Variants in DMD observed in about 807,000 individuals in gnomAD.
DMD encodes the protein dystrophin.
DMD carries 63 observed loss-of-function variants against 330.1 expected under a neutral mutation model. That is an observed-to-expected ratio of 0.19 (90% CI 0.16 to 0.24). The LOEUF (loss-of-function observed/expected upper bound fraction) is 0.24, where lower values mean the gene tolerates loss of function less well. Among genes scored for constraint, DMD ranks in the 10% least tolerant of loss-of-function variants. The pLI, the probability that DMD is intolerant of heterozygous loss-of-function variation, is 1.00. For missense variants in DMD, 3,344 were observed against 2,684.1 expected, an observed-to-expected ratio of 1.25 and a Z score of -5.43; for synonymous variants, 1,223 against 959.8, an observed-to-expected ratio of 1.27 and a Z score of -5.07.
intron 13 of DMD, among the ~76,000 whole-genome samples, chrX:32,582,774 T>C (rs2053792883): frequency 8.9e-6 from 1 of 112,116 alleles, no homozygotes; most frequent in Admixed American, 9.5e-5. Context: ...TATAGGCTCC[T>C]GACCTCTCTT....
chrX:32,581,411 A>G (rs866092048), intron 13 of DMD, among the ~76,000 whole-genome samples: 4 of 112,143 alleles, frequency 3.6e-5, no homozygotes, highest in Non-Finnish European at 7.5e-5. Context: ...CTTTCTCTAG[A>G]GAGGTTAGAA....
chrX:32,103,942 T>G (rs1051555678), intron 44 of DMD, among the ~76,000 whole-genome samples: 12 of 111,746 alleles, frequency 1.1e-4, no homozygotes, highest in African/African-American at 3.9e-4. Context: ...GGAGCTAAGC[T>G]GACAGGCATA....
intron 60 of DMD, among the ~76,000 whole-genome samples, chrX:31,398,124 AC>A (rs1400724424): frequency 8.9e-6 from 1 of 112,398 alleles, no homozygotes; most frequent in African/African-American, 3.2e-5. Context: ...AATCCTCACT[AC>A]AACCCTATGA....
At chrX:31,749,867 T>A (rs1372794491) in intron 51 of DMD, among the ~76,000 whole-genome samples, 3 of 105,833 alleles carry the variant, frequency 2.8e-5, no homozygotes, top group African/African-American at 1.0e-4. Flanking sequence ...CTCATTGTGG[T>A]TTTGATTTGC....
intron 9 of DMD, among the ~76,000 whole-genome samples, chrX:32,695,188 G>A (rs2063560118): frequency 8.9e-6 from 1 of 112,092 alleles, no homozygotes; most frequent in African/African-American, 3.2e-5. Context: ...TCGAGAAAGT[G>A]CAGCGTCACC....
intron 62 of DMD, among the ~76,000 whole-genome samples, chrX:31,297,892 C>A (rs1603316822): frequency 1.8e-5 from 2 of 112,437 alleles, no homozygotes; most frequent in East Asian, 5.6e-4. Context: ...GGGGTTGCTG[C>A]CTTTCAATAC....
chrX:31,455,632 T>C (rs2066102399), intron 59 of DMD, among the ~76,000 whole-genome samples: 1 of 112,503 alleles, frequency 8.9e-6, no homozygotes, highest in South Asian at 3.6e-4. Flanking sequence ...TTTATATCTA[T>C]CACTTGATTT....
At chrX:31,396,257 C>T (rs758641498) in intron 60 of DMD, among the ~76,000 whole-genome samples, 1 of 109,656 alleles carries the variant, frequency 9.1e-6, no homozygotes, top group South Asian at 4.0e-4. Flanking sequence ...CCTGCCTCAG[C>T]CTCCTGAGTA....
intron 2 of DMD, among the ~76,000 whole-genome samples, chrX:32,870,985 A>AG (rs2082941638): frequency 2.1e-5 from 1 of 47,882 alleles, no homozygotes; most frequent in Admixed American, 2.6e-4. Flanking sequence ...AAAAAAAAAA[A>AG]AAACCACAAA....
At chrX:31,764,151 T>C (rs894311892) in intron 51 of DMD, among the ~76,000 whole-genome samples, 5 of 111,842 alleles carry the variant, frequency 4.5e-5, no homozygotes, top group Non-Finnish European at 9.4e-5. Flanking sequence ...ATTACAAGTG[T>C]GAGCCATTGT....
intron 42 of DMD, among the ~76,000 whole-genome samples, chrX:32,288,619 C>T (rs2097453373): frequency 8.9e-6 from 1 of 111,897 alleles, no homozygotes. Context: ...CTCCTCTGCT[C>T]AAAATCTTCT....
chrX:32,517,180 T>G (rs1159011210), intron 18 of DMD: 4 of 111,994 alleles, frequency 3.6e-5, no homozygotes, highest in African/African-American at 1.3e-4. Flanking sequence ...TATACACATT[T>G]AGATGTGATC....
At chrX:32,498,767 G>C (rs1484669669) in intron 19 of DMD, among the ~76,000 whole-genome samples, 1 of 111,609 alleles carries the variant, frequency 9.0e-6, no homozygotes, top group East Asian at 2.8e-4. Context: ...ACTTGTATGT[G>C]ACACTGAAAA....
intron 1 of DMD, among the ~76,000 whole-genome samples, chrX:33,120,709 C>T (rs937512621): frequency 3.8e-4 from 41 of 108,890 alleles, no homozygotes; most frequent in African/African-American, 1.4e-3. Context: ...GGCGAAACCC[C>T]GTCTCTACTA....
chrX:32,944,402 T>C (rs2090641114), intron 2 of DMD, among the ~76,000 whole-genome samples: 1 of 111,865 alleles, frequency 8.9e-6, no homozygotes, highest in Non-Finnish European at 1.9e-5. Flanking sequence ...AGCTTAATTA[T>C]GATTGAATAT....
At position 32,448,655 on chromosome X, in the gene DMD, G is replaced by A. The variant is rs2098315387; in HGVS notation, c.3604-17C>T. 1 of 1,183,898 alleles carries A rather than the reference G, an allele frequency of 8.4e-7. No homozygotes were observed. The highest frequency in any genetic ancestry group is 3.0e-5 in the East Asian group (1 of 33,454). ...TTTAGCTCTCTGAAAAATAAAGAAT[G>A]CTCTCTTAATAGCATGAAAATAACT... On this transcript the variant is annotated splice_polypyrimidine_tract_variant and intron_variant, in intron 26 of 78. Transcript: ENST00000357033.
intron 1 of DMD, among the ~76,000 whole-genome samples, chrX:33,279,554 T>C (rs139772806): frequency 2.0e-3 from 226 of 110,569 alleles, no homozygotes; most frequent in African/African-American, 7.0e-3. Context: ...TGAAAACAAG[T>C]TTTCATTTTT....
chrX:32,236,796 T>C (rs2097189517), intron 43 of DMD, among the ~76,000 whole-genome samples: 1 of 111,941 alleles, frequency 8.9e-6, no homozygotes, highest in Non-Finnish European at 1.9e-5. Flanking sequence ...AACCGACTAA[T>C]ATGAAGTAAT....
chrX:32,072,422 T>C (rs1361086743), intron 44 of DMD, among the ~76,000 whole-genome samples: 3 of 102,067 alleles, frequency 2.9e-5, no homozygotes, highest in Admixed American at 1.1e-4. Flanking sequence ...TAATATCTTC[T>C]ATTTGGGAAA....
Sources: allele counts gnomAD v4.1 joint callset (sites outside exome capture counted in the v4.1 genomes callset), GRCh38; gene constraint gnomAD v4.1.1; transcripts MANE v1.5; gene names NCBI Gene and HGNC (gene_info 2026-07-23, HGNC 2026-07-21).